ATP6V0A4: variants seen among roughly 807,000 people sequenced by gnomAD.
The protein encoded by ATP6V0A4 is V-type proton ATPase 116 kDa subunit a 4.
Under a neutral mutation model 107.3 loss-of-function variants are expected in ATP6V0A4, and 86 were observed. That is an observed-to-expected ratio of 0.80 (90% CI 0.67 to 0.96). The LOEUF (loss-of-function observed/expected upper bound fraction) is 0.96. Ranked by LOEUF, ATP6V0A4 falls within the 40% of genes least tolerant of loss-of-function variation. ATP6V0A4 has a pLI of 0.00. For synonymous variants in ATP6V0A4, 353 were observed against 381.4 expected (o/e 0.93, Z 0.87); for missense variants, 908 against 1,045.6 (o/e 0.87, Z 1.81).
At chr7:138,763,127 CACATA>C in intron 5 of ATP6V0A4, 102 bp from the exon 6 acceptor site, 2 of 1,530,230 alleles carry the variant, frequency 1.3e-6, no homozygotes, top group East Asian at 2.4e-5. Flanking sequence ...AAGGAATCAG[CACATA>C]ACATGATTGC....
At chr7:138,725,685 G>A (rs1164321344) in intron 18 of ATP6V0A4, among the ~76,000 whole-genome samples, 1 of 151,724 alleles carries the variant, frequency 6.6e-6, no homozygotes, top group East Asian at 1.9e-4. Flanking sequence ...GCTAATTTTT[G>A]TATTTTTAGT....
intron 1 of ATP6V0A4, among the ~76,000 whole-genome samples, 158 bp from the exon 2 acceptor site, chr7:138,786,418 C>A (rs1266506939): frequency 1.3e-5 from 2 of 151,506 alleles, no homozygotes; most frequent in Non-Finnish European, 2.9e-5. Context: ...TCTGTCTCTA[C>A]ACAAAATAAA....
Position 138,732,344 on chromosome 7 carries a change from G to C in ATP6V0A4, c.1908+533C>G, listed in dbSNP as rs148078708. 8.8e-4 allele frequency among the ~76,000 whole-genome samples: 134 copies of C among 151,974 alleles called. 1 individual carries two copies. The highest frequency in any genetic ancestry group is 3.0e-3 in the African/African-American group (123 of 41,474). The stretch of plus-strand genomic sequence containing the variant: ...ATCCCTCTGCAATTATCCCTTTCAT[G>C]TATTACCCCAACAAGAATGGTTGGA... On this transcript the variant is annotated intron_variant, in intron 17 of 21. Coordinates refer to ENST00000310018, the MANE Select transcript of ATP6V0A4 (RefSeq NM_020632.3).
At chr7:138,730,317 G>A (rs912119697) in intron 17 of ATP6V0A4, among the ~76,000 whole-genome samples, 12 of 149,974 alleles carry the variant, frequency 8.0e-5, no homozygotes, top group South Asian at 4.3e-4. Context: ...ATTTTCCCCC[G>A]ATGACGTACA....
At chr7:138,709,451 C>A (rs1803623360) in intron 21 of ATP6V0A4, among the ~76,000 whole-genome samples, 173 bp downstream of exon 21, 1 of 151,648 alleles carries the variant, frequency 6.6e-6, no homozygotes, top group Non-Finnish European at 1.5e-5. Flanking sequence ...TATATATACA[C>A]ATATATTACA....
chr7:138,764,403 CAA>C (rs1467430265), intron 5 of ATP6V0A4, among the ~76,000 whole-genome samples: 1 of 151,828 alleles, frequency 6.6e-6, no homozygotes, highest in Non-Finnish European at 1.5e-5. Context: ...AAAACAATAA[CAA>C]ATCCACACTG....
intron 14 of ATP6V0A4, among the ~76,000 whole-genome samples, chr7:138,743,580 C>T (rs377321020): frequency 3.3e-5 from 5 of 152,204 alleles, no homozygotes; most frequent in African/African-American, 9.6e-5. Context: ...TGACGTTCAC[C>T]ACAGATTTTG....
At chr7:138,726,426 G>C (rs143237791) in intron 18 of ATP6V0A4, among the ~76,000 whole-genome samples, 2 of 152,246 alleles carry the variant, frequency 1.3e-5, no homozygotes, top group Non-Finnish European at 2.9e-5. Flanking sequence ...AAGGGCTCTC[G>C]GAAGGAGATG....
At chr7:138,709,038 G>A (rs571609333) in intron 21 of ATP6V0A4, among the ~76,000 whole-genome samples, 12 of 151,888 alleles carry the variant, frequency 7.9e-5, no homozygotes, top group African/African-American at 1.7e-4. Context: ...GGGAAACCCC[G>A]TCTCTGCCAA....
chr7:138,731,417 C>A (rs1391777208), intron 17 of ATP6V0A4, among the ~76,000 whole-genome samples: 1 of 152,104 alleles, frequency 6.6e-6, no homozygotes, highest in Non-Finnish European at 1.5e-5. Flanking sequence ...AGGGCTTCAT[C>A]CAGAGGAATC....
intron 17 of ATP6V0A4, among the ~76,000 whole-genome samples, chr7:138,730,916 T>C (rs4584100): frequency 0.11 from 16,158 of 140,726 alleles, 1,500 homozygotes; most frequent in African/African-American, 0.26. Context: ...CAAGGCATTT[T>C]TTCTTCTTCT....
chr7:138,747,131 TG>T (rs2117276763), intron 13 of ATP6V0A4, among the ~76,000 whole-genome samples: 1 of 152,284 alleles, frequency 6.6e-6, no homozygotes, highest in Admixed American at 6.5e-5. Context: ...ACAGTGATTA[TG>T]TATTGCTTTC....
intron 14 of ATP6V0A4, among the ~76,000 whole-genome samples, chr7:138,740,967 A>C (rs1805608573): frequency 6.6e-6 from 1 of 150,880 alleles, no homozygotes; most frequent in Non-Finnish European, 1.5e-5. Context: ...ACAATGGTGA[A>C]ACCCCATCTC....
At chr7:138,706,756 A>G in intron 21 of ATP6V0A4, 39 bp from the exon 22 acceptor site, 1 of 1,609,926 alleles carries the variant, frequency 6.2e-7, no homozygotes, top group Non-Finnish European at 8.5e-7. Context: ...GAAATGGGAG[A>G]TTGAAACACA....
intron 2 of ATP6V0A4, among the ~76,000 whole-genome samples, chr7:138,783,409 T>TA (rs1036232691): frequency 2.0e-5 from 3 of 151,890 alleles, no homozygotes; most frequent in African/African-American, 7.3e-5. Flanking sequence ...TGTCTCTATT[T>TA]AAAAAAAATT....
chr7:138,754,705 C>T (rs1295511231), intron 10 of ATP6V0A4, among the ~76,000 whole-genome samples: 2 of 151,964 alleles, frequency 1.3e-5, no homozygotes, highest in Admixed American at 1.3e-4. Context: ...TCCCTGAAAC[C>T]TTTGCCTCTC....
chr7:138,768,428 A>G (rs955087034), intron 5 of ATP6V0A4, among the ~76,000 whole-genome samples: 6 of 152,140 alleles, frequency 3.9e-5, no homozygotes, highest in Non-Finnish European at 8.8e-5. Flanking sequence ...ATTAGAAAAC[A>G]TCCCATTATG....
chr7:138,784,267 CATAT>C (rs60959857), intron 2 of ATP6V0A4, among the ~76,000 whole-genome samples: 5 of 119,328 alleles, frequency 4.2e-5, no homozygotes, highest in South Asian at 4.8e-4. Context: ...TATATATATA[CATAT>C]ATATATATAC....
At chr7:138,710,677 G>A (rs1006060751) in intron 20 of ATP6V0A4, among the ~76,000 whole-genome samples, 2 of 152,184 alleles carry the variant, frequency 1.3e-5, no homozygotes, top group Non-Finnish European at 2.9e-5. Flanking sequence ...TCACTGCAAT[G>A]TACAAGGGCA....
Sources: allele counts gnomAD v4.1 joint callset (sites outside exome capture counted in the v4.1 genomes callset), GRCh38; gene constraint gnomAD v4.1.1; transcripts MANE v1.5; gene names NCBI Gene and HGNC (gene_info 2026-07-23, HGNC 2026-07-21).